The following PCDHA4 variants were observed in gnomAD, a reference collection of about 807,000 sequenced individuals.
PCDHA4 encodes protocadherin alpha 4.
In PCDHA4, 49 loss-of-function variants were observed where a neutral mutation model predicts 61.4. The observed-to-expected ratio is 0.80, with a 90% CI of 0.63 to 1.01. The LOEUF is 1.01. Ranked by LOEUF, PCDHA4 falls within the 50% of genes least tolerant of loss-of-function variation. PCDHA4 has a pLI of 0.00. For missense variants in PCDHA4, 1,254 were observed against 1,235.8 expected, an observed-to-expected ratio of 1.01 and a Z score of -0.22; for synonymous variants, 590 against 550.3, an observed-to-expected ratio of 1.07 and a Z score of -1.01.
intron 1 of PCDHA4, among the ~76,000 whole-genome samples, chr5:140,974,580 T>C (rs2153804250): frequency 6.6e-6 from 1 of 152,286 alleles, no homozygotes; most frequent in South Asian, 2.1e-4. Context: ...GGCATGATCT[T>C]GGCTCACTGC....
intron 1 of PCDHA4, among the ~76,000 whole-genome samples, chr5:140,891,891 A>G (rs1278331991): frequency 5.9e-5 from 9 of 152,214 alleles, no homozygotes; most frequent in Admixed American, 5.9e-4. Flanking sequence ...GTGACGATGC[A>G]GCAAGAAGAT....
At chr5:140,876,274 G>C (rs1554168448) in intron 1 of PCDHA4, 8 of 1,613,990 alleles carry the variant, frequency 5.0e-6, no homozygotes, top group Non-Finnish European at 6.8e-6. Context: ...AAATGCTTCC[G>C]ATCCAGACGA....
intron 1 of PCDHA4, among the ~76,000 whole-genome samples, chr5:140,827,019 A>G (rs139009189): frequency 3.3e-5 from 5 of 152,362 alleles, no homozygotes; most frequent in Admixed American, 3.3e-4. Flanking sequence ...CATTAAAAAT[A>G]TGAATTTAAA....
chr5:140,841,387 A>T, intron 1 of PCDHA4: 1 of 1,613,470 alleles, frequency 6.2e-7, no homozygotes. Flanking sequence ...TGCTCCTCGC[A>T]GCCTGGAAGG....
intron 1 of PCDHA4, chr5:140,884,085 G>A (rs1181483962): frequency 6.2e-7 from 1 of 1,613,484 alleles, no homozygotes; most frequent in Non-Finnish European, 8.5e-7. Flanking sequence ...TACAATGCGT[G>A]GCTTTCGTAT....
intron 1 of PCDHA4, chr5:140,853,694 G>A (rs1425849966): frequency 1.0e-6 from 1 of 988,064 alleles, no homozygotes; most frequent in African/African-American, 1.8e-5. Context: ...CCTTAGACCT[G>A]CTAACGCATT....
intron 1 of PCDHA4, chr5:140,848,211 A>T: frequency 2.8e-6 from 1 of 353,668 alleles, no homozygotes; most frequent in Non-Finnish European, 5.1e-6. Flanking sequence ...TCATTACTTA[A>T]GAAAAAATTA....
chr5:140,856,991 T>TA lies in PCDHA4; in HGVS notation c.2385+47420dup, dbSNP rs781903903. ...TATTGACTTTGAGGACAGTAACACT[T>TA]ATGAAATTCATGTAGATGTTACAGA... On this transcript the variant is annotated intron_variant, in intron 1 of 3. Transcript: ENST00000530339. 5.6e-6 allele frequency: 9 copies of TA among 1,595,654 alleles called. No homozygotes were observed. The East Asian group carries it at 1.8e-4, about 32-fold the overall frequency.
chr5:140,883,090 T>A (rs550322124), intron 1 of PCDHA4: 1 of 1,614,020 alleles, frequency 6.2e-7, no homozygotes, highest in East Asian at 2.2e-5. Flanking sequence ...ATGGTACAAA[T>A]GGAGATATAG....
At chr5:140,928,810 G>T (rs143843461) in intron 1 of PCDHA4, 1 of 1,614,106 alleles carries the variant, frequency 6.2e-7, no homozygotes. Context: ...AGTGGTTCGG[G>T]ACCATGGAGA....
chr5:140,967,361 C>G (rs1323729968), intron 1 of PCDHA4: 9 of 1,607,256 alleles, frequency 5.6e-6, no homozygotes, highest in African/African-American at 1.3e-5. Context: ...GGACCTTAAG[C>G]CCCTGCAGGA....
At chr5:140,897,378 C>T (rs992566047) in intron 1 of PCDHA4, among the ~76,000 whole-genome samples, 8 of 144,246 alleles carry the variant, frequency 5.5e-5, no homozygotes, top group Admixed American at 4.3e-4. Context: ...GTTCCCTTCC[C>T]CTTCCTGTGT....
chr5:140,851,436 G>C, intron 1 of PCDHA4: 2 of 931,614 alleles, frequency 2.1e-6, no homozygotes, highest in East Asian at 2.3e-4. Context: ...TTAGAAAACA[G>C]TTGCTCCACT....
At chr5:140,888,705 A>G (rs2061950008) in intron 1 of PCDHA4, among the ~76,000 whole-genome samples, 1 of 152,082 alleles carries the variant, frequency 6.6e-6, no homozygotes, top group South Asian at 2.1e-4. Context: ...ATTGGTAGGA[A>G]TGTGAAATAT....
intron 1 of PCDHA4, chr5:140,967,958 C>A (rs202159883): frequency 6.2e-7 from 1 of 1,614,182 alleles, no homozygotes; most frequent in Non-Finnish European, 8.5e-7. Context: ...AGGCCCCAAC[C>A]GGAAAGTGAG....
At position 140,850,562 on chromosome 5, in the gene PCDHA4, C is replaced by G. The variant is rs2150489447; in HGVS notation, c.2385+40990C>G. On this transcript the variant is annotated intron_variant, in intron 1 of 3. Transcript: ENST00000530339. Reference sequence around the variant, plus strand: ...GGGCGTCAGTGGGTGCCACGGGCCCCGAGGTGACGCTGGTGGATGTCAACG... The same window carrying G: ...GGGCGTCAGTGGGTGCCACGGGCCCGGAGGTGACGCTGGTGGATGTCAACG... 18 of 1,598,196 alleles carry G rather than the reference C, an allele frequency of 1.1e-5. 1 individual carries two copies. Among genetic ancestry groups the G allele is most frequent in the Admixed American group, 8.4e-5 (5 of 59,298 alleles).
intron 1 of PCDHA4, chr5:140,927,707 T>G (rs1224984801): frequency 6.2e-7 from 1 of 1,614,080 alleles, no homozygotes; most frequent in African/African-American, 1.3e-5. Flanking sequence ...CAGTACTCCC[T>G]AAGCAACAGC....
chr5:140,894,554 G>GAAA (rs1204407145), intron 1 of PCDHA4, among the ~76,000 whole-genome samples: 2 of 151,600 alleles, frequency 1.3e-5, no homozygotes, highest in African/African-American at 4.8e-5. Context: ...GTTTACTTCT[G>GAAA]AAAAAATTAT....
chr5:140,869,407 T>G, intron 1 of PCDHA4: 4 of 1,614,120 alleles, frequency 2.5e-6, no homozygotes, highest in African/African-American at 1.3e-5. Context: ...GAGCGCGGAG[T>G]GCAGCATCCA....
Sources: allele counts gnomAD v4.1 joint callset (sites outside exome capture counted in the v4.1 genomes callset), GRCh38; gene constraint gnomAD v4.1.1; transcripts MANE v1.5; gene names NCBI Gene and HGNC (gene_info 2026-07-23, HGNC 2026-07-21).